Variants in DYSF observed in about 807,000 individuals in gnomAD.
DYSF encodes the protein dysferlin, also known as dystrophy-associated fer-1-like 1.
DYSF carries 212 observed loss-of-function variants against 274.9 expected under a neutral mutation model. The observed-to-expected ratio is 0.77, with a 90% CI of 0.69 to 0.86. DYSF has a LOEUF of 0.86. Among genes scored for constraint, DYSF ranks in the 40% least tolerant of loss-of-function variants. The pLI, the probability that DYSF is intolerant of heterozygous loss-of-function variation, is 0.00. For synonymous variants in DYSF, 1,091 were observed against 1,078.7 expected, an observed-to-expected ratio of 1.01 and a Z score of -0.22; for missense variants, 2,666 against 2,783.2, an observed-to-expected ratio of 0.96 and a Z score of 0.95.
intron 16 of DYSF, 102 bp from the exon 17 acceptor site, chr2:71,539,055 C>A: frequency 9.8e-7 from 1 of 1,018,984 alleles, no homozygotes; most frequent in South Asian, 1.3e-5. Flanking sequence ...TGCCTGCCCC[C>A]CGCCCCCCTG....
At chr2:71,463,582 G>A (rs1334016749), upstream of DYSF, among the ~76,000 whole-genome samples, 5 of 152,236 alleles carry the variant, frequency 3.3e-5, no homozygotes, top group East Asian at 3.8e-4. Context: ...CAGATGGGCC[G>A]CTGCTGCCAG....
intron 36 of DYSF, among the ~76,000 whole-genome samples, chr2:71,605,920 A>G (rs545705902): frequency 6.6e-6 from 1 of 152,196 alleles, no homozygotes; most frequent in South Asian, 2.1e-4. Context: ...CAGGCAGACA[A>G]TGGAGCCCTC....
At chr2:71,679,867 A>C (rs1263225960) in intron 53 of DYSF, among the ~76,000 whole-genome samples, 1 of 152,050 alleles carries the variant, frequency 6.6e-6, no homozygotes, top group Non-Finnish European at 1.5e-5. Context: ...TTCACAAAAT[A>C]ATTACCAATG....
At chr2:71,563,130 G>A (rs1417073296) in intron 23 of DYSF, among the ~76,000 whole-genome samples, 1 of 152,182 alleles carries the variant, frequency 6.6e-6, no homozygotes, top group Non-Finnish European at 1.5e-5. Flanking sequence ...CAAGTTCCTG[G>A]AAGCTGCTGC....
Position 71,528,302 on chromosome 2 carries a change from C to G in DYSF, c.1281C>G (p.Asp427Glu). The G allele has an allele frequency of 6.2e-7, 1 of 1,613,596 alleles. No homozygotes were observed. The highest frequency in any genetic ancestry group is 8.5e-7 in the Non-Finnish European group (1 of 1,179,816). Residue 427 changes from aspartate to glutamate, a missense_variant, in exon 14 of 56, where the codon GAC becomes GAG. Transcript: ENST00000410020. Reference sequence around the variant, plus strand: ...CTGGTGTGTCCCTCTTCCCAGTGGACGATGCCGTGATGGACAACGTGAAAC... The same window carrying G: ...CTGGTGTGTCCCTCTTCCCAGTGGAGGATGCCGTGATGGACAACGTGAAAC... Reference protein sequence around the residue: ...VFRAEDLPQMDDAVMDNVKQI... With the variant: ...VFRAEDLPQMEDAVMDNVKQI...
At chr2:71,651,261 T>C (rs2094653460) in intron 42 of DYSF, among the ~76,000 whole-genome samples, 1 of 152,124 alleles carries the variant, frequency 6.6e-6, no homozygotes, top group African/African-American at 2.4e-5. Flanking sequence ...GGCACTTTGA[T>C]TGGAATGAAT....
chr2:71,542,806 C>T lies in DYSF; in HGVS notation c.1576+3567C>T, dbSNP rs545463616. 6.6e-5 allele frequency among the ~76,000 whole-genome samples: 10 copies of T among 152,358 alleles called. No individual in the cohort carries two copies. In the South Asian group the frequency reaches 2.1e-3, roughly 32 times the overall value. Reference sequence around the variant, plus strand: ...AGACACAGCAACAATCTGATTTCTCCATCTTCTCCCCACATTTCCTCCCTT... The same window carrying T: ...AGACACAGCAACAATCTGATTTCTCTATCTTCTCCCCACATTTCCTCCCTT... On this transcript the variant is annotated intron_variant, in intron 17 of 55. Coordinates refer to ENST00000410020, the MANE Select transcript of DYSF (RefSeq NM_001130987.2).
chr2:71,473,613 A>G (rs67359852), intron 1 of DYSF, among the ~76,000 whole-genome samples: 56,079 of 151,944 alleles, frequency 0.37, 10,958 homozygotes, highest in African/African-American at 0.48. Flanking sequence ...ACTGGGAGAC[A>G]TCTTCTGCTC....
intron 53 of DYSF, 110 bp from the exon 54 acceptor site, chr2:71,680,891 C>A (rs2095287723): frequency 3.5e-6 from 3 of 862,868 alleles, no homozygotes; most frequent in South Asian, 2.9e-5. Flanking sequence ...AACCCTACAT[C>A]TTTTTTTTTA....
chr2:71,614,483 C>G (rs1451672730), intron 40 of DYSF, among the ~76,000 whole-genome samples: 1 of 152,212 alleles, frequency 6.6e-6, no homozygotes, highest in African/African-American at 2.4e-5. Flanking sequence ...CCTCCTGCCC[C>G]CTGTCCCTTG....
intron 14 of DYSF, among the ~76,000 whole-genome samples, chr2:71,533,687 C>G (rs188217322): frequency 6.6e-4 from 100 of 152,316 alleles, no homozygotes; most frequent in Non-Finnish European, 6.6e-4. Context: ...ACATAGTGGC[C>G]AATTGTCCTC....
Position 71,682,659 on chromosome 2 carries a change from C to A in DYSF, c.6303C>A (p.Ile2101=), listed in dbSNP as rs2095310550. 5.0e-6 allele frequency: 8 copies of A among 1,614,040 alleles called. No homozygotes were observed. Among genetic ancestry groups the A allele is most frequent in the Non-Finnish European group, 6.8e-6 (8 of 1,180,024 alleles). Residue 2101 remains isoleucine (I), a synonymous_variant, in exon 55 of 56, where the codon ATC becomes ATA. Transcript: ENST00000410020. ...TCATCCTGCTGCTGTTCCTGGCCAT[C>A]TTCATCTACGCCTTCCCGGTGAGCA... ...ILFILLLFLA[I]FIYAFPNYAA...
intron 20 of DYSF, 145 bp from the exon 21 acceptor site, chr2:71,553,662 G>A: frequency 9.9e-7 from 1 of 1,015,092 alleles, no homozygotes; most frequent in Non-Finnish European, 1.5e-6. Context: ...GGGTGAGCAG[G>A]TGCCTGTCTC....
chr2:71,618,678 GGGAT>G (rs2094010727), intron 40 of DYSF, among the ~76,000 whole-genome samples: 1 of 54,100 alleles, frequency 1.8e-5, no homozygotes. Flanking sequence ...GTGTGGTAGA[GGGAT>G]GTGAGTGTGT....
intron 43 of DYSF, among the ~76,000 whole-genome samples, chr2:71,656,868 A>G (rs1172359094): frequency 6.6e-6 from 1 of 152,202 alleles, no homozygotes. Flanking sequence ...TCTGGGAGAT[A>G]CAATTGGAGT....
At position 71,589,665 on chromosome 2, in the gene DYSF, A is replaced by G; in HGVS notation, c.3475A>G (p.Thr1159Ala). Reference protein sequence around the residue: ...STLSFGVNRPTISCIFDYGNR... With the variant: ...STLSFGVNRPAISCIFDYGNR... ...CTTGAGCTTCGGTGTGAACAGACCC[A>G]CGATTTCCTGCATATTCGACTGTAA... Residue 1159 changes from threonine to alanine, a missense_variant, in exon 31 of 56, where the codon ACG becomes GCG. Coordinates refer to ENST00000410020, the MANE Select transcript of DYSF (RefSeq NM_001130987.2). 6.2e-7 allele frequency: 1 copy of G among 1,614,128 alleles called. No individual in the cohort carries two copies. The highest frequency in any genetic ancestry group is 8.5e-7 in the Non-Finnish European group (1 of 1,179,994).
intron 22 of DYSF, among the ~76,000 whole-genome samples, chr2:71,561,111 C>T (rs904795977): frequency 6.6e-6 from 1 of 152,098 alleles, no homozygotes; most frequent in Non-Finnish European, 1.5e-5. Context: ...TCCTGTCTCT[C>T]AGGGCTCAGG....
chr2:71,593,326 TC>T (rs1354506147), intron 32 of DYSF, among the ~76,000 whole-genome samples: 1 of 152,004 alleles, frequency 6.6e-6, no homozygotes, highest in Admixed American at 6.6e-5. Context: ...AGATGAGATT[TC>T]CCCTTGTTGG....
chr2:71,484,668 C>A (rs887074348), intron 3 of DYSF, among the ~76,000 whole-genome samples: 2 of 152,212 alleles, frequency 1.3e-5, no homozygotes, highest in African/African-American at 4.8e-5. Flanking sequence ...CCACCTCTCC[C>A]TGCTACCCTT....
Sources: allele counts gnomAD v4.1 joint callset (sites outside exome capture counted in the v4.1 genomes callset), GRCh38; gene constraint gnomAD v4.1.1; transcripts MANE v1.5; gene names NCBI Gene and HGNC (gene_info 2026-07-23, HGNC 2026-07-21).